Variants in NBAS observed in about 807,000 individuals in gnomAD.
The protein encoded by NBAS is NBAS subunit of NRZ tethering complex.
Under a neutral mutation model 302.5 loss-of-function variants are expected in NBAS, and 219 were observed. The ratio of observed to expected loss-of-function variants is 0.72; its 90% CI spans 0.65 to 0.81. NBAS has a LOEUF of 0.81. Ranked by LOEUF, NBAS falls within the 30% of genes least tolerant of loss-of-function variation. The pLI is 0.00. For synonymous variants in NBAS, 1,118 were observed against 1,021.6 expected (o/e 1.09, Z -1.80); for missense variants, 2,932 against 2,841.6 (o/e 1.03, Z -0.72).
At chr2:15,024,423 A>C in the NBAS span, among the ~76,000 whole-genome samples, 1 of 152,092 alleles carries the variant, frequency 6.6e-6, no homozygotes, top group Admixed American at 6.5e-5. Context: ...ATAGTGCTGC[A>C]ACTTAGGCAT....
chr2:15,021,321 TATAA>T, the NBAS span, among the ~76,000 whole-genome samples: 2,221 of 152,032 alleles, frequency 0.015, 61 homozygotes, highest in African/African-American at 0.052. Flanking sequence ...GAGACCAAGG[TATAA>T]ATAATTATAA....
chr2:15,060,278 G>A, the NBAS span, among the ~76,000 whole-genome samples: 2 of 152,114 alleles, frequency 1.3e-5, no homozygotes, highest in African/African-American at 4.8e-5. Flanking sequence ...CACATTCCCC[G>A]CTTGGCAGCA....
intron 21 of NBAS, among the ~76,000 whole-genome samples, chr2:15,436,506 T>C (rs898099589): frequency 2.6e-5 from 4 of 151,976 alleles, no homozygotes; most frequent in South Asian, 2.1e-4. Context: ...ACAAAGGCAG[T>C]AGGAAGAAAA....
chr2:15,338,710 C>CACACACACATAT (rs1454097551), intron 35 of NBAS, among the ~76,000 whole-genome samples: 1 of 148,746 alleles, frequency 6.7e-6, no homozygotes, highest in Non-Finnish European at 1.5e-5. Context: ...CACACACACA[C>CACACACACATAT]ATCAAATTAG....
At chr2:15,282,997 A>G (rs1056317608) in intron 42 of NBAS, among the ~76,000 whole-genome samples, 1 of 152,072 alleles carries the variant, frequency 6.6e-6, no homozygotes, top group Non-Finnish European at 1.5e-5. Context: ...CCTTTATGGT[A>G]CTTACTACAA....
intron 48 of NBAS, among the ~76,000 whole-genome samples, chr2:15,205,785 C>A (rs368255344): frequency 6.6e-6 from 1 of 152,236 alleles, no homozygotes; most frequent in African/African-American, 2.4e-5. Context: ...CTTCCACCCC[C>A]TCTCTCTCCT....
At chr2:15,516,269 C>T (rs1208222109) in intron 9 of NBAS, among the ~76,000 whole-genome samples, 2 of 152,020 alleles carry the variant, frequency 1.3e-5, no homozygotes, top group Non-Finnish European at 2.9e-5. Flanking sequence ...ACTAGAAAAA[C>T]ACAGAATTCC....
chr2:15,416,188 A>C (rs1676925941), intron 24 of NBAS, among the ~76,000 whole-genome samples: 1 of 152,188 alleles, frequency 6.6e-6, no homozygotes, highest in Non-Finnish European at 1.5e-5. Flanking sequence ...AAAGACAGAG[A>C]TACACAAATA....
intron 41 of NBAS, among the ~76,000 whole-genome samples, chr2:15,288,067 G>A (rs1361530168): frequency 2.6e-5 from 4 of 152,250 alleles, no homozygotes; most frequent in Non-Finnish European, 5.9e-5. Flanking sequence ...CAGTCAGAAC[G>A]TCAACAGTGC....
intron 25 of NBAS, among the ~76,000 whole-genome samples, chr2:15,405,569 C>T (rs1031413203): frequency 2.0e-5 from 3 of 152,102 alleles, no homozygotes; most frequent in Admixed American, 1.3e-4. Context: ...TCTTCCACAC[C>T]ATAGGCCGCA....
At chr2:15,044,446 T>C in the NBAS span, among the ~76,000 whole-genome samples, 1 of 152,216 alleles carries the variant, frequency 6.6e-6, no homozygotes. Context: ...AATGAGGTTT[T>C]TCATAAGATA....
chr2:14,915,313 G>A, the NBAS span, among the ~76,000 whole-genome samples: 2 of 152,234 alleles, frequency 1.3e-5, no homozygotes, highest in South Asian at 2.1e-4. Flanking sequence ...AATGGTTAAA[G>A]GCTGAGGATC....
intron 31 of NBAS, among the ~76,000 whole-genome samples, chr2:15,373,175 C>G (rs1296253351): frequency 2.6e-5 from 4 of 151,946 alleles, no homozygotes; most frequent in Admixed American, 2.6e-4. Context: ...GTTTTGAGCT[C>G]AAAAGTCACA....
the NBAS span, among the ~76,000 whole-genome samples, chr2:14,994,715 C>T: frequency 6.6e-6 from 1 of 152,194 alleles, no homozygotes; most frequent in Non-Finnish European, 1.5e-5. Context: ...CTTCTTTTCC[C>T]AACCTTAACC....
intron 48 of NBAS, among the ~76,000 whole-genome samples, chr2:15,203,297 T>C (rs1665969533): frequency 6.6e-6 from 1 of 152,184 alleles, no homozygotes; most frequent in African/African-American, 2.4e-5. Context: ...TCTATTTCCT[T>C]ATGTGATGAA....
At chr2:15,158,546 G>C in the NBAS span, among the ~76,000 whole-genome samples, 1 of 152,174 alleles carries the variant, frequency 6.6e-6, no homozygotes. Flanking sequence ...CCAGTTACCT[G>C]TTCTCTAAAG....
chr2:15,105,552 T>C, the NBAS span, among the ~76,000 whole-genome samples: 1 of 152,122 alleles, frequency 6.6e-6, no homozygotes, highest in African/African-American at 2.4e-5. Context: ...CCTTAGAAGT[T>C]CATTTCTATG....
chr2:15,229,805 A>G (rs72776626), intron 47 of NBAS, among the ~76,000 whole-genome samples: 1 of 152,084 alleles, frequency 6.6e-6, no homozygotes, highest in Non-Finnish European at 1.5e-5. Flanking sequence ...AAAAGAAAAA[A>G]AAAGAGGACG....
the NBAS span, among the ~76,000 whole-genome samples, chr2:14,847,902 G>A: frequency 0.56 from 85,570 of 152,030 alleles, 26,447 homozygotes; most frequent in African/African-American, 0.84. Context: ...GCCTTAAAAC[G>A]TTCAAAAATT....
Sources: gnomAD v4.1 joint callset for allele counts (sites outside exome capture counted in the v4.1 genomes callset) on GRCh38, gnomAD v4.1.1 for gene constraint, MANE v1.5 for transcripts, NCBI Gene and HGNC (gene_info 2026-07-23, HGNC 2026-07-21) for gene names.